The following PSIP1 variants were observed in gnomAD, a reference collection of about 807,000 sequenced individuals.
PSIP1 encodes the protein PC4 and SRSF1 interacting protein 1.
A neutral mutation model predicts 74.7 loss-of-function variants in PSIP1; 19 were observed. The observed-to-expected ratio is 0.25, with a 90% CI of 0.18 to 0.37. PSIP1 has a LOEUF of 0.37. PSIP1 is among the 10% of genes least tolerant of loss of function. The pLI is 1.00. For missense variants in PSIP1, 601 were observed against 614.3 expected (o/e 0.98, Z 0.23); for synonymous variants, 222 against 195.3 (o/e 1.14, Z -1.14).
chr9:15,465,680 G>C, intron 15 of PSIP1, 100 bp from the exon 16 acceptor site: 1 of 950,900 alleles, frequency 1.1e-6, no homozygotes, highest in African/African-American at 1.7e-5. Context: ...CCCATGAAAA[G>C]ACTGAAACCA....
chr9:15,505,444 T>C (rs1445274234), intron 3 of PSIP1: 3 of 152,202 alleles, frequency 2.0e-5, no homozygotes, highest in South Asian at 2.1e-4. Flanking sequence ...TTGTTATATA[T>C]AGAATACACT....
At chr9:15,471,265 T>G (rs1418159318) in intron 10 of PSIP1, 1 of 1,585,414 alleles carries the variant, frequency 6.3e-7, no homozygotes, top group Non-Finnish European at 8.7e-7. Context: ...TTATTTTGCA[T>G]AATGCATTTC....
intron 14 of PSIP1, among the ~76,000 whole-genome samples, chr9:15,467,536 G>C (rs1265654420): frequency 6.6e-6 from 1 of 152,222 alleles, no homozygotes; most frequent in Non-Finnish European, 1.5e-5. Flanking sequence ...GTTTATGAGT[G>C]AAATGGTATG....
At chr9:15,471,804 CTCA>C (rs2035842922) in intron 10 of PSIP1, 1 of 950,282 alleles carries the variant, frequency 1.1e-6, no homozygotes, top group Non-Finnish European at 1.3e-6. Flanking sequence ...TGTTTTACTG[CTCA>C]TCATTAACTT....
At chr9:15,480,096 A>G (rs1347443695) in intron 6 of PSIP1, among the ~76,000 whole-genome samples, 3 of 152,224 alleles carry the variant, frequency 2.0e-5, no homozygotes, top group African/African-American at 7.2e-5. Context: ...CCCGTAAGAA[A>G]GGATTTACTA....
intron 3 of PSIP1, among the ~76,000 whole-genome samples, chr9:15,493,696 G>C (rs1002234736): frequency 2.0e-5 from 3 of 152,156 alleles, no homozygotes; most frequent in Admixed American, 2.0e-4. Context: ...TCTTCACAGG[G>C]ACCCAGGAGA....
At chr9:15,503,815 C>T (rs1178738676) in intron 3 of PSIP1, among the ~76,000 whole-genome samples, 3 of 152,110 alleles carry the variant, frequency 2.0e-5, no homozygotes, top group South Asian at 2.1e-4. Context: ...GGCACAATCT[C>T]GGCTCACCAC....
chr9:15,473,927 C>CAAAAAAA, intron 9 of PSIP1, 82 bp downstream of exon 9: 2 of 514,482 alleles, frequency 3.9e-6, no homozygotes, highest in East Asian at 4.4e-5. Flanking sequence ...AAAAAAAAAA[C>CAAAAAAA]AAAAAAAAAA....
intron 9 of PSIP1, among the ~76,000 whole-genome samples, chr9:15,473,676 G>C (rs1169467154): frequency 6.6e-6 from 1 of 152,022 alleles, no homozygotes; most frequent in Admixed American, 6.6e-5. Flanking sequence ...CAAGGTGGGA[G>C]GTTCACCTGA....
intron 4 of PSIP1, among the ~76,000 whole-genome samples, chr9:15,488,036 A>G (rs2737842): frequency 0.91 from 137,727 of 152,184 alleles, 62,554 homozygotes; most frequent in African/African-American, 0.94. Flanking sequence ...ATCGGTTTAA[A>G]AGTAAAAAGC....
rs759695046 is a variant in PSIP1 at position 15,478,563 on chromosome 9, C to A, written c.554-11G>T. 6.4e-7 allele frequency: 1 copy of A among 1,565,676 alleles called. No individual in the cohort carries two copies. The highest frequency in any genetic ancestry group is 1.4e-5 in the African/African-American group (1 of 73,746). On this transcript the variant is annotated splice_polypyrimidine_tract_variant and intron_variant, in intron 7 of 15. Coordinates refer to ENST00000380733, the MANE Select transcript of PSIP1 (RefSeq NM_033222.5). Reference sequence around the variant, plus strand: ...TCTTGACTTCTGTAGCTAATATACACATGGAAAAAAAATCAGTAACTACTA... The same window carrying A: ...TCTTGACTTCTGTAGCTAATATACAAATGGAAAAAAAATCAGTAACTACTA...
rs560884971 is a variant in PSIP1, at chr9:15,500,798, A to T, written c.149+5763T>A. 1.4e-4 allele frequency among the ~76,000 whole-genome samples: 22 copies of T among 152,292 alleles called. No individual in the cohort carries two copies. In the East Asian group the frequency reaches 4.2e-3, roughly 29 times the overall value. On this transcript the variant is annotated intron_variant, in intron 3 of 15. Coordinates refer to ENST00000380733, the MANE Select transcript of PSIP1 (RefSeq NM_033222.5). Reference sequence around the variant, plus strand: ...GCAGTAAGGAGGAAAAAACAGCAAAATATCTTTATTTAAATTTCCTAGACT... The same window carrying T: ...GCAGTAAGGAGGAAAAAACAGCAAATTATCTTTATTTAAATTTCCTAGACT...
intron 2 of PSIP1, among the ~76,000 whole-genome samples, chr9:15,507,669 ATATC>A (rs2037659003): frequency 6.6e-6 from 1 of 151,220 alleles, no homozygotes; most frequent in Non-Finnish European, 1.5e-5. Flanking sequence ...ATTTAACAAC[ATATC>A]TATTTTAAAT....
intron 4 of PSIP1, among the ~76,000 whole-genome samples, chr9:15,488,748 A>G (rs1467630161): frequency 6.6e-6 from 1 of 151,834 alleles, no homozygotes; most frequent in East Asian, 1.9e-4. Context: ...TAGGCTGGAC[A>G]CAGTGGCTCA....
At chr9:15,500,890 A>C (rs2132208363) in intron 3 of PSIP1, among the ~76,000 whole-genome samples, 1 of 152,356 alleles carries the variant, frequency 6.6e-6, no homozygotes, top group East Asian at 1.9e-4. Context: ...CCAAAACTCA[A>C]ACTGAGCTTC....
chr9:15,491,173 A>G (rs2036814120), intron 3 of PSIP1, among the ~76,000 whole-genome samples: 1 of 152,250 alleles, frequency 6.6e-6, no homozygotes, highest in African/African-American at 2.4e-5. Context: ...CGTATGTAAC[A>G]TGCGCTTTCT....
intron 3 of PSIP1, 116 bp from the exon 4 acceptor site, chr9:15,490,240 T>C: frequency 1.0e-6 from 1 of 984,966 alleles, no homozygotes; most frequent in Non-Finnish European, 1.4e-6. Flanking sequence ...GCATTACAAA[T>C]CTTAAATAAG....
chr9:15,481,003 T>C (rs1312508307), intron 6 of PSIP1, among the ~76,000 whole-genome samples: 2 of 152,232 alleles, frequency 1.3e-5, no homozygotes. Flanking sequence ...TTTTTAAACA[T>C]TTCTTTAAAT....
chr9:15,483,108 CAAT>C (rs1362973616), intron 6 of PSIP1, among the ~76,000 whole-genome samples: 3 of 152,166 alleles, frequency 2.0e-5, no homozygotes, highest in Admixed American at 2.0e-4. Context: ...TGCATCCTCT[CAAT>C]AAACCGTTCT....
Sources: gnomAD v4.1 joint callset for allele counts (sites outside exome capture counted in the v4.1 genomes callset) on GRCh38, gnomAD v4.1.1 for gene constraint, MANE v1.5 for transcripts, NCBI Gene and HGNC (gene_info 2026-07-23, HGNC 2026-07-21) for gene names.